Variants in FKBP7 observed in about 807,000 individuals in gnomAD.
FKBP7 encodes peptidyl-prolyl cis-trans isomerase FKBP7.
In FKBP7, 24 loss-of-function variants were observed where a neutral mutation model predicts 24.3. The ratio of observed to expected loss-of-function variants is 0.99; its 90% confidence interval spans 0.72 to 1.39. The LOEUF is 1.39. FKBP7 is among the 40% of genes most tolerant of loss of function. FKBP7 has a pLI of 0.00. For missense variants in FKBP7, 257 were observed against 269.5 expected, an observed-to-expected ratio of 0.95 and a Z score of 0.33; for synonymous variants, 98 against 92.8, an observed-to-expected ratio of 1.06 and a Z score of -0.32.
chr2:178,476,869 T>G (rs1308573295), intron 2 of FKBP7, among the ~76,000 whole-genome samples, 193 bp downstream of exon 2: 1 of 152,130 alleles, frequency 6.6e-6, no homozygotes. Flanking sequence ...TTCATTTTGT[T>G]TATCCATTTC....
At position 178,464,188 on chromosome 2, in the gene FKBP7, G is replaced by C. The variant is rs1414968571; in HGVS notation, c.*1582C>G. 6.6e-6 allele frequency: 1 copy of C among 152,184 alleles called. No homozygotes were observed. The highest frequency in any genetic ancestry group is 1.5e-5 in the Non-Finnish European group (1 of 68,022). The allele number at this position is 152,184 out of a possible 1,614,324, so 9.4% of individuals were successfully genotyped here. ...TAAATAGAATTTTTGATAGTGTAAA[G>C]AAGTTAAAGGATGAACAATGGTTTG... On this transcript the variant is annotated 3_prime_UTR_variant, in exon 4 of 4. Coordinates refer to ENST00000424785, the MANE Select transcript of FKBP7 (RefSeq NM_181342.3).
rs765432146 is a variant in FKBP7, at chr2:178,478,408, C to G, written c.92G>C (p.Ser31Thr). The part of the protein sequence containing the change: ...FTAQRQKKEE[S>T]TEEVKIEVLH... ...AACTTCTATTTTCACTTCTTCGGTGCTCTCCTCTTTCTTTTGTCTCTGAGC... is the reference window on the plus strand; with the variant it reads ...AACTTCTATTTTCACTTCTTCGGTGGTCTCCTCTTTCTTTTGTCTCTGAGC... The change falls in exon 1 of 4, where the codon AGC (serine) becomes ACC (threonine). Residue 31 changes from serine (S) to threonine (T), a missense_variant. Coordinates refer to ENST00000424785, the MANE Select transcript of FKBP7 (RefSeq NM_181342.3). The G allele has an allele frequency of 9.3e-6, 15 of 1,614,076 alleles. No homozygotes were observed. The highest frequency in any genetic ancestry group is 7.6e-6 in the Non-Finnish European group (9 of 1,180,042).
In FKBP7 at chr2:178,465,886, G is replaced by A. The variant is rs372737499; in HGVS notation, c.553C>T (p.Arg185Cys). Residue 185 changes from arginine (R) to cysteine (C), a missense_variant, in exon 4 of 4, where the codon CGT (arginine) becomes TGT (cysteine). By Grantham distance (180) the Arg-to-Cys change is radical. Transcript: ENST00000424785. ...QREFEKDEKP[R>C]DKSYQDAVLE... Reference sequence around the variant, plus strand: ...ACTGCATCCTGATATGACTTGTCACGTGGCTTCTCATCTTTTTCAAATTCC... The same window carrying A: ...ACTGCATCCTGATATGACTTGTCACATGGCTTCTCATCTTTTTCAAATTCC... 1.7e-5 allele frequency: 27 copies of A among 1,607,376 alleles called. No homozygotes were observed. Among genetic ancestry groups the A allele is most frequent in the East Asian group, 9.0e-5 (4 of 44,604 alleles).
At chr2:178,468,611 G>A (rs1173224961) in intron 3 of FKBP7, among the ~76,000 whole-genome samples, 2 of 151,994 alleles carry the variant, frequency 1.3e-5, no homozygotes, top group Non-Finnish European at 2.9e-5. Context: ...AACAGAGAAA[G>A]ACCCTGTCTC....
At chr2:178,469,881 G>T in intron 2 of FKBP7, 96 bp from the exon 3 acceptor site, 2 of 958,280 alleles carry the variant, frequency 2.1e-6, no homozygotes, top group Non-Finnish European at 2.9e-6. Context: ...ATTTCATGTT[G>T]ATAAGAATTG....
intron 3 of FKBP7, among the ~76,000 whole-genome samples, chr2:178,468,672 GC>G (rs1684752914): frequency 6.6e-6 from 1 of 151,940 alleles, no homozygotes; most frequent in Admixed American, 6.6e-5. Context: ...AAGCCAGATT[GC>G]CCAGGTTTTG....
intron 2 of FKBP7, among the ~76,000 whole-genome samples, chr2:178,476,044 T>C (rs1684989171): frequency 6.6e-6 from 1 of 152,218 alleles, no homozygotes; most frequent in South Asian, 2.1e-4. Context: ...TTTCTGAGTT[T>C]TATGAATTTA....
rs1453811449 is a variant in FKBP7, at chr2:178,463,787, A to G, written c.*1983T>C. 6.6e-6 allele frequency: 1 copy of G among 152,218 alleles called. No individual in the cohort carries two copies. Among genetic ancestry groups the G allele is most frequent in the East Asian group, 1.9e-4 (1 of 5,202 alleles). The allele number at this position is 152,218 out of a possible 1,614,324, so 9.4% of individuals were successfully genotyped here. A position where few individuals can be genotyped will look rare whatever the true frequency, so the allele number is the denominator to read the frequency against. On this transcript the variant is annotated 3_prime_UTR_variant, in exon 4 of 4. Coordinates refer to ENST00000424785, the MANE Select transcript of FKBP7 (RefSeq NM_181342.3). ...AAAAACAAGTTTAAAAGCACTTTGT[A>G]TGATAATGGGACAAAAAAATTAGAA...
At position 178,477,070 on chromosome 2, in the gene FKBP7, TC is replaced by T. The variant is rs867683080; in HGVS notation, c.364del (p.Glu122LysfsTer14). The T allele has an allele frequency of 2.5e-6, 4 of 1,592,710 alleles. No homozygotes were observed. In the African/African-American group the frequency reaches 5.4e-5, roughly 22 times the overall value. On this transcript the variant is annotated frameshift_variant, in exon 2 of 4. Coordinates refer to ENST00000424785, the MANE Select transcript of FKBP7 (RefSeq NM_181342.3). LOFTEE classifies it high-confidence loss of function. ...VIPPSFAYGK[E>X]GYAEGKIPPD... is the part of the protein sequence containing the mutation. ...AAAATTAAACATCTTACCATAGCCT[TC>T]CTTTCCGTATGCAAATGAAGGGGGT...
chr2:178,474,643 C>A (rs1167319919), intron 2 of FKBP7, among the ~76,000 whole-genome samples: 1 of 152,092 alleles, frequency 6.6e-6, no homozygotes, highest in Non-Finnish European at 1.5e-5. Flanking sequence ...TAGAACAAAG[C>A]CTGGCACTGA....
chr2:178,476,067 C>T (rs985892758), intron 2 of FKBP7, among the ~76,000 whole-genome samples: 7 of 152,076 alleles, frequency 4.6e-5, no homozygotes, highest in African/African-American at 1.7e-4. Flanking sequence ...TTTGGTACTG[C>T]TTACCAAAGA....
Position 178,478,548 on chromosome 2 carries a change from G to C in FKBP7, c.-49C>G. ...CCCTCCCGCGTGTCACTCGCGCCCCGTGGATGTCCCGCGGCCGAGTTCCGA... is the reference window on the plus strand; with the variant it reads ...CCCTCCCGCGTGTCACTCGCGCCCCCTGGATGTCCCGCGGCCGAGTTCCGA... On this transcript the variant is annotated 5_prime_UTR_variant, in exon 1 of 4. Transcript: ENST00000424785. 1 of 1,605,636 alleles carries C rather than the reference G, an allele frequency of 6.2e-7. No individual in the cohort carries two copies.
Position 178,465,700 on chromosome 2 carries a change from G to T in FKBP7, c.*70C>A. 7.3e-7 allele frequency: 1 copy of T among 1,369,632 alleles called. No homozygotes were observed. 84.8% of individuals were successfully genotyped at this position (1,369,632 alleles called of 1,614,324 possible). ...GGAAAAATAGCAAATACAACTTGGA[G>T]AAAAGTGACTTTGTTTTATACATAA... On this transcript the variant is annotated 3_prime_UTR_variant, in exon 4 of 4. Coordinates refer to ENST00000424785, the MANE Select transcript of FKBP7 (RefSeq NM_181342.3).
intron 3 of FKBP7, 127 bp from the exon 4 acceptor site, chr2:178,466,058 G>A: frequency 1.3e-6 from 1 of 747,886 alleles, no homozygotes; most frequent in Non-Finnish European, 2.0e-6. Flanking sequence ...ACAACAGTAT[G>A]AAAAGCTATT....
rs181083608 is a variant in FKBP7 at position 178,474,482 on chromosome 2, C to T, written c.373+2580G>A. Among the ~76,000 whole-genome samples the T allele has an allele frequency of 2.0e-5, 3 of 152,268 alleles. No individual in the cohort carries two copies. The East Asian group carries it at 5.8e-4, about 29-fold the overall frequency. ...CATCCTTGACCCTGAGGCCTCCTTC[C>T]CAGGAACACTTAATGTCATCAGATG... On this transcript the variant is annotated intron_variant, in intron 2 of 3. Transcript: ENST00000424785.
At chr2:178,470,110 A>C (rs1170146905) in intron 2 of FKBP7, among the ~76,000 whole-genome samples, 1 of 152,152 alleles carries the variant, frequency 6.6e-6, no homozygotes, top group Non-Finnish European at 1.5e-5. Context: ...TTATTAATGC[A>C]TGGATATGAC....
intron 2 of FKBP7, among the ~76,000 whole-genome samples, chr2:178,471,680 C>T (rs894767021): frequency 6.6e-6 from 1 of 152,120 alleles, no homozygotes; most frequent in South Asian, 2.1e-4. Flanking sequence ...CAATATTTGC[C>T]GAATGAATGA....
chr2:178,475,928 G>T (rs1263871604), intron 2 of FKBP7, among the ~76,000 whole-genome samples: 1 of 152,138 alleles, frequency 6.6e-6, no homozygotes, highest in Non-Finnish European at 1.5e-5. Context: ...ACATTTGAAG[G>T]CTTGTCCTGT....
intron 2 of FKBP7, among the ~76,000 whole-genome samples, chr2:178,474,664 A>G (rs1684952006): frequency 6.6e-6 from 1 of 152,108 alleles, no homozygotes; most frequent in Non-Finnish European, 1.5e-5. Context: ...TGCTCAATAT[A>G]TATCCCAAAA....
Sources: gnomAD v4.1 joint callset for allele counts (sites outside exome capture counted in the v4.1 genomes callset) on GRCh38, gnomAD v4.1.1 for gene constraint, MANE v1.5 for transcripts, NCBI Gene and HGNC (gene_info 2026-07-23, HGNC 2026-07-21) for gene names.